Variants in LRRC8D observed in about 807,000 individuals in gnomAD.
LRRC8D encodes the protein volume-regulated anion channel subunit LRRC8D.
A neutral mutation model predicts 55.8 loss-of-function variants in LRRC8D; 20 were observed. The ratio of observed to expected loss-of-function variants is 0.36; its 90% CI spans 0.25 to 0.52. LRRC8D has a LOEUF of 0.52. Among genes scored for constraint, LRRC8D ranks in the 20% least tolerant of loss-of-function variants. The pLI, the probability that LRRC8D is intolerant of heterozygous loss-of-function variation, is 0.93. For synonymous variants in LRRC8D, 352 were observed against 377.0 expected (o/e 0.93, Z 0.77); for missense variants, 651 against 1,030.8 (o/e 0.63, Z 5.05).
At chr1:89,858,074 C>G (rs1483045241) in intron 2 of LRRC8D, among the ~76,000 whole-genome samples, 1 of 151,974 alleles carries the variant, frequency 6.6e-6, no homozygotes, top group Non-Finnish European at 1.5e-5. Context: ...ACTAAAAATA[C>G]AAAAATTAGC....
At chr1:89,843,958 G>GGATA (rs369440924) in intron 2 of LRRC8D, among the ~76,000 whole-genome samples, 176 bp downstream of exon 2, 34,924 of 152,108 alleles carry the variant, frequency 0.23, 4,698 homozygotes, top group East Asian at 0.37. Flanking sequence ...CCCTGGGTTC[G>GGATA]GGCCGGCGGA....
chr1:89,833,256 T>C (rs1660926569), intron 1 of LRRC8D, among the ~76,000 whole-genome samples: 1 of 152,180 alleles, frequency 6.6e-6, no homozygotes, highest in African/African-American at 2.4e-5. Context: ...AATGAACAAA[T>C]GAAATCATGG....
At chr1:89,879,562 C>T (rs1023907150) in intron 2 of LRRC8D, among the ~76,000 whole-genome samples, 3 of 152,154 alleles carry the variant, frequency 2.0e-5, no homozygotes, top group African/African-American at 7.2e-5. Flanking sequence ...CCTGGTAAAT[C>T]TGTTGTGTTA....
chr1:89,833,024 G>A (rs1660922658), intron 1 of LRRC8D, among the ~76,000 whole-genome samples: 1 of 152,154 alleles, frequency 6.6e-6, no homozygotes, highest in East Asian at 1.9e-4. Flanking sequence ...ACAGGAAGTG[G>A]CAGAACTGTG....
At chr1:89,917,417 G>C (rs1663303104) in intron 2 of LRRC8D, among the ~76,000 whole-genome samples, 1 of 152,104 alleles carries the variant, frequency 6.6e-6, no homozygotes, top group African/African-American at 2.4e-5. Flanking sequence ...AAACACACCA[G>C]TGACTTAAAA....
chr1:89,869,832 C>T (rs149394602), intron 2 of LRRC8D, among the ~76,000 whole-genome samples: 31 of 152,214 alleles, frequency 2.0e-4, no homozygotes, highest in Non-Finnish European at 3.2e-4. Context: ...AATTTTCACA[C>T]GGCGTGGTGG....
intron 2 of LRRC8D, among the ~76,000 whole-genome samples, chr1:89,909,038 CTGTG>C (rs1017330086): frequency 1.5e-4 from 22 of 149,864 alleles, no homozygotes; most frequent in South Asian, 2.1e-4. Context: ...GTGTGTGTGT[CTGTG>C]TGTCTGTGTG....
chr1:89,866,510 G>C (rs1661853136), intron 2 of LRRC8D, among the ~76,000 whole-genome samples: 1 of 152,328 alleles, frequency 6.6e-6, no homozygotes, highest in South Asian at 2.1e-4. Context: ...CCCTGTTTGA[G>C]AACACTTGCT....
chr1:89,908,593 G>C (rs1310453133), intron 2 of LRRC8D, among the ~76,000 whole-genome samples: 1 of 152,240 alleles, frequency 6.6e-6, no homozygotes, highest in Non-Finnish European at 1.5e-5. Context: ...TGAGAAATGA[G>C]AGTGAGGCCC....
chr1:89,837,396 T>C (rs1052640360), intron 1 of LRRC8D, among the ~76,000 whole-genome samples: 11 of 152,216 alleles, frequency 7.2e-5, no homozygotes, highest in Non-Finnish European at 5.9e-5. Flanking sequence ...ACTTCTTTTC[T>C]TCTGCTGTAT....
intron 2 of LRRC8D, among the ~76,000 whole-genome samples, chr1:89,888,956 G>A (rs961531184): frequency 2.0e-5 from 3 of 152,228 alleles, no homozygotes; most frequent in African/African-American, 7.2e-5. Flanking sequence ...AATGATTTAT[G>A]TAGGTATTCC....
At chr1:89,856,099 A>C (rs1479527681) in intron 2 of LRRC8D, among the ~76,000 whole-genome samples, 1 of 152,092 alleles carries the variant, frequency 6.6e-6, no homozygotes, top group Non-Finnish European at 1.5e-5. Context: ...GATATATTTG[A>C]TGAGTGTGAA....
chr1:89,910,416 G>T lies in LRRC8D; in HGVS notation c.-2-22651G>T, dbSNP rs139483876. Among the ~76,000 whole-genome samples, 859 of 152,288 alleles carry T rather than the reference G, an allele frequency of 5.6e-3. 3 individuals are homozygous for T. Among genetic ancestry groups the T allele is most frequent in the African/African-American group, 0.02 (819 of 41,562 alleles). ...AGTGAGATTATGATAAAGACCTTAG[G>T]TAATATTGTTATTAAATGACAGTTG... On this transcript the variant is annotated intron_variant, in intron 2 of 2. Transcript: ENST00000337338.
At chr1:89,847,268 TA>T (rs1201183995) in intron 2 of LRRC8D, among the ~76,000 whole-genome samples, 2 of 152,336 alleles carry the variant, frequency 1.3e-5, no homozygotes, top group East Asian at 3.9e-4. Context: ...TTGGATAAAA[TA>T]TTTGTCTTCT....
chr1:89,930,838 C>A (rs547491876), intron 2 of LRRC8D, among the ~76,000 whole-genome samples: 1 of 151,636 alleles, frequency 6.6e-6, no homozygotes, highest in South Asian at 2.1e-4. Context: ...GGTTAGCTTG[C>A]TGTGATTCCA....
Position 89,935,224 on chromosome 1 carries a change from A to C in LRRC8D, c.2156A>C (p.Glu719Ala), listed in dbSNP as rs2101006356. The C allele has an allele frequency of 2.5e-6, 4 of 1,614,156 alleles. No individual in the cohort carries two copies. Among genetic ancestry groups the C allele is most frequent in the Non-Finnish European group, 3.4e-6 (4 of 1,180,010 alleles). The change falls in exon 3 of 3, where the codon GAA becomes GCA. Residue 719 changes from glutamate to alanine, a missense_variant. This residue lies in a region of LRRC8D where 338 missense variants were observed against 479.4 expected (regional missense o/e 0.71). Transcript: ENST00000337338. Reference protein sequence around the residue: ...ESLYFSNNKLESLPVAVFSLQ... With the variant: ...ESLYFSNNKLASLPVAVFSLQ... ...CTTTATTTCTCTAACAACAAGCTCG[A>C]ATCCTTACCAGTGGCAGTATTTAGT...
chr1:89,870,487 G>A (rs956920108), intron 2 of LRRC8D, among the ~76,000 whole-genome samples: 3 of 151,678 alleles, frequency 2.0e-5, no homozygotes, highest in Non-Finnish European at 2.9e-5. Context: ...AAAAAAAAAA[G>A]AAGAAGATAG....
chr1:89,830,079 GTAAA>G (rs1348852964), intron 1 of LRRC8D, among the ~76,000 whole-genome samples: 2 of 152,206 alleles, frequency 1.3e-5, no homozygotes, highest in African/African-American at 4.8e-5. Context: ...TATCTTCAAA[GTAAA>G]TGAATGAATA....
At chr1:89,912,495 G>T (rs1160997351) in intron 2 of LRRC8D, among the ~76,000 whole-genome samples, 2 of 140,046 alleles carry the variant, frequency 1.4e-5, no homozygotes, top group African/African-American at 2.7e-5. Flanking sequence ...TGTCCTTCCT[G>T]ACTCCCAGAT....
Sources: gnomAD v4.1 joint callset for allele counts (sites outside exome capture counted in the v4.1 genomes callset) on GRCh38, gnomAD v4.1.1 for gene constraint, gnomAD v4.1.1 regional missense constraint, MANE v1.5 for transcripts, NCBI Gene and HGNC (gene_info 2026-07-23, HGNC 2026-07-21) for gene names.